NCK2: variants seen among roughly 807,000 people sequenced by gnomAD.
NCK2 encodes NCK adaptor protein 2.
NCK2 carries 16 observed loss-of-function variants against 33.9 expected under a neutral mutation model. The ratio of observed to expected loss-of-function variants is 0.47; its 90% CI spans 0.32 to 0.72. The LOEUF is 0.72. Among genes scored for constraint, NCK2 ranks in the 30% least tolerant of loss-of-function variants. The pLI is 0.03. For synonymous variants in NCK2, 273 were observed against 239.9 expected, an observed-to-expected ratio of 1.14 and a Z score of -1.27; for missense variants, 418 against 537.3, an observed-to-expected ratio of 0.78 and a Z score of 2.19.
At chr2:105,789,667 T>C (rs1690808796) in intron 1 of NCK2, among the ~76,000 whole-genome samples, 1 of 152,224 alleles carries the variant, frequency 6.6e-6, no homozygotes. Context: ...GCACTTATTG[T>C]CCATCATCAT....
At chr2:105,872,226 C>T (rs996012720) in intron 3 of NCK2, among the ~76,000 whole-genome samples, 2 of 152,296 alleles carry the variant, frequency 1.3e-5, no homozygotes, top group East Asian at 3.9e-4. Flanking sequence ...TCTGCAGCTA[C>T]GGGATCAGCT....
intron 4 of NCK2, among the ~76,000 whole-genome samples, chr2:105,890,171 G>C (rs3769492): frequency 1.3e-5 from 2 of 151,948 alleles, no homozygotes; most frequent in East Asian, 1.9e-4. Context: ...AGGAGCCCAC[G>C]AAATTAAAAA....
chr2:105,850,235 T>C (rs1408471817), intron 2 of NCK2, among the ~76,000 whole-genome samples: 3 of 152,196 alleles, frequency 2.0e-5, no homozygotes, highest in African/African-American at 7.2e-5. Flanking sequence ...TCTATGACCA[T>C]TTTTTAATGT....
chr2:105,834,983 T>C (rs917147910), intron 2 of NCK2, among the ~76,000 whole-genome samples: 11 of 152,172 alleles, frequency 7.2e-5, no homozygotes, highest in African/African-American at 2.7e-4. Context: ...TAGCCCTACA[T>C]TCAAGGTTGT....
intron 1 of NCK2, among the ~76,000 whole-genome samples, chr2:105,747,021 T>C (rs1441922333): frequency 6.6e-6 from 1 of 151,924 alleles, no homozygotes; most frequent in Non-Finnish European, 1.5e-5. Flanking sequence ...TCAGGAAGAG[T>C]TGGCTGCTGC....
At chr2:105,814,249 C>T (rs948863395) in intron 1 of NCK2, among the ~76,000 whole-genome samples, 1 of 152,204 alleles carries the variant, frequency 6.6e-6, no homozygotes, top group African/African-American at 2.4e-5. Context: ...TTTTATTCTA[C>T]TTAGGGTGTA....
intron 3 of NCK2, among the ~76,000 whole-genome samples, chr2:105,865,693 T>C (rs1247953601): frequency 2.6e-5 from 4 of 152,154 alleles, no homozygotes; most frequent in African/African-American, 9.7e-5. Context: ...CATAGGAGTA[T>C]ACTCCTTTTC....
Position 105,894,179 on chromosome 2 carries a change from G to A in NCK2, c.*1003G>A, listed in dbSNP as rs1461867392. Reference sequence around the variant, plus strand: ...AGTTTAAATATAACGTCTTGAGATGGCACATTCCTACGATTGAAGAAGGGG... The same window carrying A: ...AGTTTAAATATAACGTCTTGAGATGACACATTCCTACGATTGAAGAAGGGG... On this transcript the variant is annotated 3_prime_UTR_variant, in exon 5 of 5. Coordinates refer to ENST00000233154, the MANE Select transcript of NCK2 (RefSeq NM_003581.5). 1 of 152,508 alleles carries A rather than the reference G, an allele frequency of 6.6e-6. No individual in the cohort carries two copies. Among genetic ancestry groups the A allele is most frequent in the Admixed American group, 6.5e-5 (1 of 15,270 alleles). 9.4% of individuals were successfully genotyped at this position (152,508 alleles called of 1,614,324 possible). A position where few individuals can be genotyped will look rare whatever the true frequency, so the allele number is the denominator to read the frequency against.
At chr2:105,868,867 G>A (rs564513526) in intron 3 of NCK2, among the ~76,000 whole-genome samples, 5 of 152,334 alleles carry the variant, frequency 3.3e-5, no homozygotes, top group Admixed American at 1.3e-4. Flanking sequence ...GCAGCCAAGC[G>A]ACTTGGCCAG....
At chr2:105,766,781 C>T (rs755564569) in intron 1 of NCK2, among the ~76,000 whole-genome samples, 5 of 152,244 alleles carry the variant, frequency 3.3e-5, no homozygotes, top group Non-Finnish European at 5.9e-5. Flanking sequence ...ATCCCTCCAT[C>T]TTGTGGGCAT....
intron 2 of NCK2, among the ~76,000 whole-genome samples, chr2:105,820,694 A>T (rs186994322): frequency 3.3e-5 from 5 of 151,398 alleles, no homozygotes; most frequent in African/African-American, 4.8e-5. Context: ...AAGTGACTGT[A>T]ATTGATTGTT....
chr2:105,749,083 A>C (rs926671989), intron 1 of NCK2, among the ~76,000 whole-genome samples: 11 of 152,226 alleles, frequency 7.2e-5, no homozygotes, highest in African/African-American at 2.7e-4. Flanking sequence ...CAACAAAAAA[A>C]CAAAGCCAAC....
At chr2:105,873,959 A>G (rs867333746) in intron 3 of NCK2, among the ~76,000 whole-genome samples, 84 of 152,264 alleles carry the variant, frequency 5.5e-4, no homozygotes, top group African/African-American at 1.9e-3. Flanking sequence ...CCACACAGAT[A>G]TGAGTCATGG....
intron 1 of NCK2, among the ~76,000 whole-genome samples, chr2:105,779,983 G>A (rs1282562616): frequency 6.6e-6 from 1 of 152,118 alleles, no homozygotes; most frequent in Admixed American, 6.5e-5. Context: ...GACCTCCTGT[G>A]TGTGCTTCCT....
intron 1 of NCK2, among the ~76,000 whole-genome samples, chr2:105,778,425 G>A (rs1050562967): frequency 7.2e-5 from 11 of 152,300 alleles, no homozygotes; most frequent in South Asian, 4.1e-4. Context: ...CCTCTGTGGC[G>A]TGGGAAGTGG....
chr2:105,821,737 C>G (rs1675748472), intron 2 of NCK2, among the ~76,000 whole-genome samples: 1 of 151,740 alleles, frequency 6.6e-6, no homozygotes, highest in Non-Finnish European at 1.5e-5. Context: ...GATGTTATTG[C>G]CCCCATTTAA....
chr2:105,767,978 G>T (rs1238620161), intron 1 of NCK2, among the ~76,000 whole-genome samples: 1 of 152,096 alleles, frequency 6.6e-6, no homozygotes, highest in Non-Finnish European at 1.5e-5. Flanking sequence ...CAAAAAAATG[G>T]ACATCAGTAC....
chr2:105,835,406 C>CGTGTATATATATGTATATAT (rs1558861988), intron 2 of NCK2, among the ~76,000 whole-genome samples: 1 of 24,246 alleles, frequency 4.1e-5, no homozygotes, highest in African/African-American at 1.2e-4. Context: ...TATATATATA[C>CGTGTATATATATGTATATAT]GTGTATATAT....
chr2:105,785,132 C>T (rs1273560604), intron 1 of NCK2, among the ~76,000 whole-genome samples: 3 of 152,180 alleles, frequency 2.0e-5, no homozygotes, highest in East Asian at 3.9e-4. Flanking sequence ...GCGCCGGCCA[C>T]CACACCTGGC....
Sources: gnomAD v4.1 joint callset for allele counts (sites outside exome capture counted in the v4.1 genomes callset) on GRCh38, gnomAD v4.1.1 for gene constraint, MANE v1.5 for transcripts, NCBI Gene and HGNC (gene_info 2026-07-23, HGNC 2026-07-21) for gene names.